Variants in TRHDE observed in about 807,000 individuals in gnomAD.
The protein encoded by TRHDE is thyrotropin releasing hormone degrading enzyme.
TRHDE carries 72 observed loss-of-function variants against 125.7 expected under a neutral mutation model. That is an observed-to-expected ratio of 0.57 (90% confidence interval 0.47 to 0.70). The LOEUF is 0.70. Ranked by LOEUF, TRHDE falls within the 30% of genes least tolerant of loss-of-function variation. TRHDE has a pLI of 0.00. For missense variants in TRHDE, 1,110 were observed against 1,327.1 expected (o/e 0.84, Z 2.54); for synonymous variants, 509 against 509.1 (o/e 1.00, Z 0.00).
chr12:72,620,360 AAG>A (rs1409915083), intron 13 of TRHDE, among the ~76,000 whole-genome samples: 1 of 149,416 alleles, frequency 6.7e-6, no homozygotes, highest in East Asian at 1.9e-4. Context: ...AAAAAAAAAA[AAG>A]AAATACAAAA....
In TRHDE at chr12:72,094,040, T is replaced by C. The variant is rs564865009; in HGVS notation, n.174+6601T>C. The stretch of plus-strand genomic sequence containing the variant: ...CCTCTGGGATTGTGGTTGAATCGGA[T>C]TGGAGCTGGGTCATGTGGCCGCTGT... On this transcript the variant is annotated intron_variant and non_coding_transcript_variant, in intron 1 of 4. Transcript: ENST00000548156. Among the ~76,000 whole-genome samples, 6 of 152,216 alleles carry C rather than the reference T, an allele frequency of 3.9e-5. No homozygotes were observed. The East Asian group carries it at 7.7e-4, about 20-fold the overall frequency.
Position 72,360,027 on chromosome 12 carries a change from G to A in TRHDE, c.1189-17968G>A, listed in dbSNP as rs150203411. On this transcript the variant is annotated intron_variant, in intron 2 of 18. Coordinates refer to ENST00000261180, the MANE Select transcript of TRHDE (RefSeq NM_013381.3). ...GGCAAGATAATTCAATAAATAGTAC[G>A]GAGACAATTGATTATCCACACAGAA... 7.9e-3 allele frequency among the ~76,000 whole-genome samples: 1,194 copies of A among 151,628 alleles called. 14 individuals carry two copies. Among genetic ancestry groups the A allele is most frequent in the South Asian group, 0.024 (117 of 4,810 alleles).
intron 2 of TRHDE, among the ~76,000 whole-genome samples, chr12:72,297,496 CAAGCGTCAATAACATGGAGAGGTGAT>C (rs1880345502): frequency 6.6e-6 from 1 of 152,084 alleles, no homozygotes; most frequent in Non-Finnish European, 1.5e-5. Flanking sequence ...TGTGTTGGAA[CAAGCGTCAATAACATGGAGAGGTGAT>C]CCTGAACAGG....
At chr12:72,564,548 G>A (rs886101947) in intron 9 of TRHDE, among the ~76,000 whole-genome samples, 15 of 150,654 alleles carry the variant, frequency 1.0e-4, no homozygotes, top group African/African-American at 2.9e-4. Context: ...CCAGCCAGGA[G>A]TCTGATTCTT....
chr12:72,645,959 G>T (rs1217921286), intron 15 of TRHDE, among the ~76,000 whole-genome samples: 2 of 152,018 alleles, frequency 1.3e-5, no homozygotes, highest in Non-Finnish European at 2.9e-5. Flanking sequence ...TGCCTTGAAA[G>T]AAATGCTAAA....
In TRHDE at chr12:72,515,957, T is replaced by C. The variant is rs1415354497; in HGVS notation, c.1722+16322T>C. Among the ~76,000 whole-genome samples the C allele has an allele frequency of 1.1e-3, 140 of 131,312 alleles. 24 individuals carry two copies. The highest frequency in any genetic ancestry group is 4.9e-3 in the African/African-American group (135 of 27,702). The allele number at this position is 131,312 out of a possible 152,430, so 86.1% of individuals were successfully genotyped here. On this transcript the variant is annotated intron_variant, in intron 6 of 18. Coordinates refer to ENST00000261180, the MANE Select transcript of TRHDE (RefSeq NM_013381.3). ...GTCAAAGATCAGATAGTTGTAGATA[T>C]GTGGCGCTATTTCTGAGGGCTCTGT... is the stretch of plus-strand genomic sequence containing the variant.
At chr12:72,613,689 G>T (rs188562435) in intron 12 of TRHDE, among the ~76,000 whole-genome samples, 6 of 152,250 alleles carry the variant, frequency 3.9e-5, no homozygotes, top group Admixed American at 1.3e-4. Context: ...GAATAGAGGT[G>T]TTTTCAAAGT....
intron 2 of TRHDE, among the ~76,000 whole-genome samples, chr12:72,195,961 A>G (rs150400647): frequency 6.6e-6 from 1 of 152,296 alleles, no homozygotes; most frequent in East Asian, 1.9e-4. Flanking sequence ...CAGCTATCCA[A>G]GCACCATTTA....
chr12:72,614,240 G>C (rs1471034406), intron 12 of TRHDE, among the ~76,000 whole-genome samples: 1 of 151,034 alleles, frequency 6.6e-6, no homozygotes, highest in Non-Finnish European at 1.5e-5. Context: ...TAATTTTATG[G>C]GGCTACAAAT....
Position 72,272,884 on chromosome 12 carries a change from G to T in TRHDE, c.241G>T (p.Val81Leu). The T allele has an allele frequency of 1.3e-6, 2 of 1,579,588 alleles. No individual in the cohort carries two copies. The highest frequency in any genetic ancestry group is 1.7e-6 in the Non-Finnish European group (2 of 1,170,714). The part of the protein sequence containing the change: ...RPRTTERHIA[V>L]HKRLVLAFAV... The stretch of plus-strand genomic sequence containing the variant: ...CCGCACCACGGAGCGCCACATCGCC[G>T]TACACAAGCGGCTTGTGCTGGCCTT... Residue 81 changes from valine to leucine, a missense_variant, in exon 1 of 19, where the codon GTA (valine) becomes TTA (leucine). This residue lies in a region of TRHDE where 248 missense variants were observed against 240.8 expected (regional missense o/e 1.03). Coordinates refer to ENST00000261180, the MANE Select transcript of TRHDE (RefSeq NM_013381.3). The surrounding 1 kb of genome is among the most constrained non-coding windows in gnomAD (Gnocchi z 6.7).
rs1870266779 is a variant in TRHDE at position 72,563,178 on chromosome 12, T to C, written c.2042+138T>C. 11 of 628,966 alleles carry C rather than the reference T, an allele frequency of 1.7e-5. No individual in the cohort carries two copies. In the South Asian group the frequency reaches 2.7e-4, roughly 16 times the overall value. 39.0% of individuals were successfully genotyped at this position (628,966 alleles called of 1,614,324 possible). ...TTTTTGTTTCTTTATTTACACAAGT[T>C]ACTTTGATTCTCCTTTTACTCCCAT... is the stretch of plus-strand genomic sequence containing the variant. On this transcript the variant is annotated intron_variant, in intron 9 of 18. Coordinates refer to ENST00000261180, the MANE Select transcript of TRHDE (RefSeq NM_013381.3).
chr12:72,612,130 C>G (rs1263652870), intron 12 of TRHDE, among the ~76,000 whole-genome samples: 3 of 152,114 alleles, frequency 2.0e-5, no homozygotes. Context: ...ATCTCAAAAC[C>G]TTTGAATTTG....
intron 2 of TRHDE, among the ~76,000 whole-genome samples, chr12:72,358,160 C>T (rs573879623): frequency 6.6e-6 from 1 of 151,496 alleles, no homozygotes; most frequent in East Asian, 2.0e-4. Context: ...ATCAGATGAC[C>T]ACTTTATTGA....
intron 2 of TRHDE, among the ~76,000 whole-genome samples, chr12:72,166,709 T>C (rs1876757450): frequency 6.6e-6 from 1 of 152,036 alleles, no homozygotes; most frequent in African/African-American, 2.4e-5. Flanking sequence ...GAAAGAAAAA[T>C]ACCAAATCCT....
chr12:72,529,865 A>G (rs2135973041), intron 6 of TRHDE, among the ~76,000 whole-genome samples: 1 of 152,206 alleles, frequency 6.6e-6, no homozygotes, highest in African/African-American at 2.4e-5. Flanking sequence ...TATTTCACTA[A>G]AATATTAGAA....
chr12:72,531,284 T>C (rs567608778), intron 6 of TRHDE, among the ~76,000 whole-genome samples: 8 of 152,108 alleles, frequency 5.3e-5, no homozygotes, highest in Admixed American at 1.3e-4. Context: ...TCTATTTATA[T>C]CCATTGCCCA....
intron 2 of TRHDE, among the ~76,000 whole-genome samples, chr12:72,127,503 C>G (rs1461536933): frequency 6.6e-6 from 1 of 152,126 alleles, no homozygotes; most frequent in African/African-American, 2.4e-5. Flanking sequence ...TATTATGCAG[C>G]CATGATAAAA....
intron 2 of TRHDE, among the ~76,000 whole-genome samples, chr12:72,310,101 T>C (rs1433399271): frequency 6.6e-6 from 1 of 152,198 alleles, no homozygotes; most frequent in Non-Finnish European, 1.5e-5. Context: ...CCATAGTTCG[T>C]GGTGCTGGGC....
At chr12:72,518,321 G>T (rs1175978496) in intron 6 of TRHDE, among the ~76,000 whole-genome samples, 2 of 147,178 alleles carry the variant, frequency 1.4e-5, no homozygotes, top group African/African-American at 2.6e-5. Flanking sequence ...TTATGAATCT[G>T]GGTGCTCCTG....
Sources: gnomAD v4.1 joint callset for allele counts (sites outside exome capture counted in the v4.1 genomes callset) on GRCh38, gnomAD v4.1.1 for gene constraint, gnomAD v4.1.1 regional missense constraint, Gnocchi (gnomAD v3.1) non-coding constraint, MANE v1.5 for transcripts, NCBI Gene and HGNC (gene_info 2026-07-23, HGNC 2026-07-21) for gene names.